ZC3H7A: variants seen among roughly 807,000 people sequenced by gnomAD.
ZC3H7A encodes zinc finger CCCH domain-containing protein 7A.
ZC3H7A carries 44 observed loss-of-function variants against 125.5 expected under a neutral mutation model. The ratio of observed to expected loss-of-function variants is 0.35; its 90% confidence interval spans 0.28 to 0.45. The LOEUF is 0.45. ZC3H7A is among the 20% of genes least tolerant of loss of function. The probability of loss-of-function intolerance (pLI) is 1.00; values close to 1 mark genes in which losing one functional copy is unlikely to be tolerated. For missense variants in ZC3H7A, 977 were observed against 1,170.7 expected (o/e 0.83, Z 2.41); for synonymous variants, 399 against 391.2 (o/e 1.02, Z -0.23).
intron 1 of ZC3H7A, among the ~76,000 whole-genome samples, chr16:11,793,665 T>C (rs144773097): frequency 1.4e-4 from 21 of 152,348 alleles, no homozygotes; most frequent in Non-Finnish European, 2.6e-4. Flanking sequence ...ATCATTATTG[T>C]CATCCTTAAT....
intron 1 of ZC3H7A, among the ~76,000 whole-genome samples, chr16:11,794,970 T>C (rs2053412584): frequency 1.3e-5 from 2 of 152,100 alleles, no homozygotes; most frequent in Non-Finnish European, 2.9e-5. Flanking sequence ...ATTCTCCACT[T>C]CGTTTGGATG....
chr16:11,754,981 G>A (rs944138457), intron 21 of ZC3H7A, among the ~76,000 whole-genome samples: 5 of 151,466 alleles, frequency 3.3e-5, no homozygotes, highest in Admixed American at 6.6e-5. Flanking sequence ...AGGCTGAGGC[G>A]GGTGGATCAC....
intron 15 of ZC3H7A, among the ~76,000 whole-genome samples, chr16:11,764,611 A>G (rs890557724): frequency 2.0e-5 from 3 of 152,050 alleles, no homozygotes; most frequent in African/African-American, 7.2e-5. Flanking sequence ...AATCCCAGCT[A>G]CTCGAGAGGC....
chr16:11,758,935 A>G, intron 19 of ZC3H7A: 2 of 208,214 alleles, frequency 9.6e-6, no homozygotes, highest in South Asian at 1.5e-4. Flanking sequence ...AAGAAACTGC[A>G]GGCTACTCCA....
rs746337216 is a variant in ZC3H7A, at chr16:11,772,097, G to C, written c.904-1110C>G. Among the ~76,000 whole-genome samples, 62 of 151,880 alleles carry C rather than the reference G, an allele frequency of 4.1e-4. 1 individual carries two copies. Among genetic ancestry groups the C allele is most frequent in the Non-Finnish European group, 2.8e-4 (19 of 67,994 alleles). ...TGTAATCTCAGCTACTCGGGAGGTT[G>C]AGGCAGATAATTGCTTGAACCTGGG... On this transcript the variant is annotated intron_variant, in intron 9 of 22. Coordinates refer to ENST00000355758, the MANE Select transcript of ZC3H7A (RefSeq NM_014153.4).
chr16:11,752,558 A>G, intron 22 of ZC3H7A, 111 bp downstream of exon 22: 1 of 1,357,768 alleles, frequency 7.4e-7, no homozygotes, highest in Non-Finnish European at 1.0e-6. Context: ...GGTCTGTCAG[A>G]GCACAGCAAC....
intron 3 of ZC3H7A, among the ~76,000 whole-genome samples, chr16:11,781,215 C>T (rs1292483942): frequency 6.6e-6 from 1 of 152,052 alleles, no homozygotes; most frequent in Non-Finnish European, 1.5e-5. Flanking sequence ...CCATATGTTG[C>T]AAAAGCAGCC....
At chr16:11,762,139 T>A in intron 17 of ZC3H7A, 96 bp from the exon 18 acceptor site, 1 of 1,267,336 alleles carries the variant, frequency 7.9e-7, no homozygotes, top group Non-Finnish European at 1.1e-6. Flanking sequence ...TTCACAATAG[T>A]ATACAATTTC....
chr16:11,768,517 G>GAAAAAAA lies in ZC3H7A; in HGVS notation c.1174-17_1174-16insTTTTTTT. On this transcript the variant is annotated splice_polypyrimidine_tract_variant and intron_variant, in intron 11 of 22. Transcript: ENST00000355758. ...GTCCATTCATCTGCAAGAAAAATAA[G>GAAAAAAA]AAGAAAAAAAAAAAAAACAGCCAAC... 9.5e-7 allele frequency: 1 copy of GAAAAAAA among 1,048,758 alleles called. No individual in the cohort carries two copies. The highest frequency in any genetic ancestry group is 3.7e-5 in the East Asian group (1 of 27,282). 65.0% of individuals were successfully genotyped at this position (1,048,758 alleles called of 1,614,324 possible).
At chr16:11,768,880 C>T in intron 11 of ZC3H7A, 151 bp downstream of exon 11, 2 of 730,404 alleles carry the variant, frequency 2.7e-6, no homozygotes, top group Non-Finnish European at 4.4e-6. Context: ...GCCGTTATTA[C>T]TAGATGTTCC....
rs750243946 is a variant in ZC3H7A at position 11,770,938 on chromosome 16, C to G, written c.953G>C (p.Ser318Thr). The change falls in exon 10 of 23, where the codon AGC becomes ACC. Residue 318 changes from serine (S) to threonine (T), a missense_variant. Ser to Thr is a moderately conservative substitution (Grantham distance 58, BLOSUM62 1). Around this residue, in one of 3 missense-constraint regions of ZC3H7A, gnomAD observed 342 missense variants for 311.3 expected, o/e 1.10. Coordinates refer to ENST00000355758, the MANE Select transcript of ZC3H7A (RefSeq NM_014153.4). ...TAACAGCGATGCCGAAAAGGGCATG[C>G]TAGGAGAGACACTGGCTGTCTGAAG... ...GPLQTASVSPSMPFSASLLGT... is the reference protein window; with the variant it reads ...GPLQTASVSPTMPFSASLLGT... The G allele has an allele frequency of 6.2e-7, 1 of 1,613,710 alleles. No homozygotes were observed. Among genetic ancestry groups the G allele is most frequent in the Non-Finnish European group, 8.5e-7 (1 of 1,179,796 alleles).
intron 22 of ZC3H7A, among the ~76,000 whole-genome samples, 175 bp downstream of exon 22, chr16:11,752,494 G>A (rs761687964): frequency 6.6e-6 from 1 of 152,188 alleles, no homozygotes; most frequent in Non-Finnish European, 1.5e-5. Flanking sequence ...AGAGTGAAAG[G>A]AATGGTTTGA....
At chr16:11,762,107 T>C in intron 17 of ZC3H7A, 64 bp from the exon 18 acceptor site, 1 of 1,466,682 alleles carries the variant, frequency 6.8e-7, no homozygotes, top group African/African-American at 1.4e-5. Flanking sequence ...GATGACAAAA[T>C]ACTAAATCAA....
At position 11,778,020 on chromosome 16, in the gene ZC3H7A, CAA is replaced by C. The variant is rs58410590; in HGVS notation, c.307-1113_307-1112del. 1.2e-3 allele frequency among the ~76,000 whole-genome samples: 98 copies of C among 84,428 alleles called. No homozygotes were observed. The East Asian group carries it at 0.012, about 10-fold the overall frequency. 55.4% of individuals were successfully genotyped at this position (84,428 alleles called of 152,430 possible). A position where few individuals can be genotyped will look rare whatever the true frequency, so the allele number is the denominator to read the frequency against. ...GGCAACAAGAGTGAAACTCTTGTCT[CAA>C]AAAAAAAAAAAAAAGTTTTAAAAGG... On this transcript the variant is annotated intron_variant, in intron 4 of 22. Transcript: ENST00000355758.
At chr16:11,776,595 C>A in intron 5 of ZC3H7A, 63 bp from the exon 6 acceptor site, 1 of 1,522,520 alleles carries the variant, frequency 6.6e-7, no homozygotes, top group South Asian at 1.2e-5. Context: ...GAAGAATAGA[C>A]AAAACAGGGA....
In ZC3H7A at chr16:11,774,357, G is replaced by C. The variant is rs1408311088; in HGVS notation, c.782C>G (p.Ala261Gly). The change falls in exon 9 of 23, where the codon GCA (alanine) becomes GGA (glycine). Residue 261 changes from alanine to glycine, a missense_variant. Around this residue, in one of 3 missense-constraint regions of ZC3H7A, gnomAD observed 342 missense variants for 311.3 expected, o/e 1.10. Transcript: ENST00000355758. ...EESALPSAVL[A>G]NGGKMPFTMP... ...AGTGAAGGGCATCTTTCCTCCATTT[G>C]CCAGCACTGCAGATGGCAGAGCGCT... is the stretch of plus-strand genomic sequence containing the variant. 2 of 1,613,914 alleles carry C rather than the reference G, an allele frequency of 1.2e-6. No individual in the cohort carries two copies. The highest frequency in any genetic ancestry group is 1.7e-6 in the Non-Finnish European group (2 of 1,179,936).
At position 11,751,299 on chromosome 16, in the gene ZC3H7A, TACATA is replaced by T; in HGVS notation, c.*13_*17del. On this transcript the variant is annotated 3_prime_UTR_variant, in exon 23 of 23. Coordinates refer to ENST00000355758, the MANE Select transcript of ZC3H7A (RefSeq NM_014153.4). ...TGGTCAATGCTCTGATTAGGTATCA[TACATA>T]AAAGCCAGCATATTAGTTTAAATCT... is the stretch of plus-strand genomic sequence containing the variant. The T allele has an allele frequency of 1.2e-6, 2 of 1,601,740 alleles. No individual in the cohort carries two copies. The highest frequency in any genetic ancestry group is 1.7e-6 in the Non-Finnish European group (2 of 1,173,598).
chr16:11,776,578 T>C (rs748491397), intron 5 of ZC3H7A, 46 bp from the exon 6 acceptor site: 3 of 1,550,664 alleles, frequency 1.9e-6, no homozygotes, highest in Non-Finnish European at 2.6e-6. Context: ...TATTTACTAA[T>C]GGTGAAGAAG....
chr16:11,756,786 C>T (rs2052656557), intron 20 of ZC3H7A, among the ~76,000 whole-genome samples: 2 of 152,168 alleles, frequency 1.3e-5, no homozygotes, highest in Admixed American at 6.5e-5. Flanking sequence ...TGATACACTC[C>T]TCACTGCTTA....
Sources: gnomAD v4.1 joint callset for allele counts (sites outside exome capture counted in the v4.1 genomes callset) on GRCh38, gnomAD v4.1.1 for gene constraint, gnomAD v4.1.1 regional missense constraint, MANE v1.5 for transcripts, NCBI Gene and HGNC (gene_info 2026-07-23, HGNC 2026-07-21) for gene names.